The following CDH12 variants were observed in gnomAD, a reference collection of about 807,000 sequenced individuals.
CDH12 encodes cadherin-12.
A neutral mutation model predicts 74.1 loss-of-function variants in CDH12; 41 were observed. That is an observed-to-expected ratio of 0.55 (90% CI 0.43 to 0.72). CDH12 has a LOEUF of 0.72. CDH12 is among the 30% of genes least tolerant of loss of function. The probability of loss-of-function intolerance (pLI) is 0.00; values close to 1 mark genes in which losing one functional copy is unlikely to be tolerated. For missense variants in CDH12, 945 were observed against 977.2 expected, an observed-to-expected ratio of 0.97 and a Z score of 0.44; for synonymous variants, 399 against 355.0, an observed-to-expected ratio of 1.12 and a Z score of -1.39.
intron 3 of CDH12, among the ~76,000 whole-genome samples, chr5:22,237,020 T>G: frequency 6.6e-6 from 1 of 152,138 alleles, no homozygotes; most frequent in Non-Finnish European, 1.5e-5. Context: ...TATAGTATAG[T>G]AAATATATAA....
Position 22,666,413 on chromosome 5 carries a change from C to T in CDH12, c.-522-161049G>A, listed in dbSNP as rs998668190. On this transcript the variant is annotated intron_variant, in intron 1 of 14. Coordinates refer to ENST00000382254, the MANE Select transcript of CDH12 (RefSeq NM_004061.5). ...CACGCCATTCTCCTGCCTCAGCCTC[C>T]CGAGTAGCTGGGACTACAGGCGCCC... Among the ~76,000 whole-genome samples the T allele has an allele frequency of 2.0e-5, 3 of 151,406 alleles. No individual in the cohort carries two copies. In the East Asian group the frequency reaches 5.8e-4, roughly 29 times the overall value.
chr5:22,268,712 T>C (rs1229579156), intron 3 of CDH12, among the ~76,000 whole-genome samples: 1 of 152,112 alleles, frequency 6.6e-6, no homozygotes, highest in Non-Finnish European at 1.5e-5. Context: ...CTGCAGAAAA[T>C]ACAGTGTAGT....
intron 4 of CDH12, among the ~76,000 whole-genome samples, chr5:22,132,007 C>G (rs1189692777): frequency 3.3e-5 from 5 of 152,048 alleles, no homozygotes; most frequent in Non-Finnish European, 5.9e-5. Flanking sequence ...ACGTGTATCT[C>G]CATGGAGGGC....
intron 5 of CDH12, among the ~76,000 whole-genome samples, chr5:21,995,353 A>G (rs1339360072): frequency 6.6e-6 from 1 of 151,892 alleles, no homozygotes; most frequent in Non-Finnish European, 1.5e-5. Context: ...ATGCAAAGCC[A>G]AATGAAACGT....
intron 6 of CDH12, among the ~76,000 whole-genome samples, chr5:21,860,170 T>C (rs770498877): frequency 2.6e-5 from 4 of 152,110 alleles, no homozygotes; most frequent in Non-Finnish European, 4.4e-5. Context: ...CTTTATTTTG[T>C]TAAGAATATG....
At chr5:22,355,586 T>G (rs1740533356) in intron 3 of CDH12, among the ~76,000 whole-genome samples, 1 of 151,628 alleles carries the variant, frequency 6.6e-6, no homozygotes, top group African/African-American at 2.4e-5. Flanking sequence ...TAGCAATATC[T>G]TTTAAAAAGA....
At chr5:22,798,163 G>A (rs1440299069) in intron 1 of CDH12, among the ~76,000 whole-genome samples, 2 of 152,034 alleles carry the variant, frequency 1.3e-5, no homozygotes, top group Admixed American at 1.3e-4. Context: ...ACTTTATAAT[G>A]TACTATCTAG....
Position 21,760,666 on chromosome 5 carries a change from T to C in CDH12, c.1525A>G (p.Ile509Val). ...ENAKPGQIIQ[I>V]VSAADRDLSP... ...AGATCTCGGTCTGCAGCACTGACTA[T>C]CTGAATTATCTGCAACAGAGTTGAG... Residue 509 changes from isoleucine to valine, a missense_variant, in exon 13 of 15, where the codon ATA (isoleucine) becomes GTA (valine). By Grantham distance (29) the Ile-to-Val change is conservative. Coordinates refer to ENST00000382254, the MANE Select transcript of CDH12 (RefSeq NM_004061.5). 6.4e-7 allele frequency: 1 copy of C among 1,573,776 alleles called. No individual in the cohort carries two copies. The highest frequency in any genetic ancestry group is 8.7e-7 in the Non-Finnish European group (1 of 1,144,456).
intron 1 of CDH12, among the ~76,000 whole-genome samples, chr5:22,571,429 T>C (rs1450423652): frequency 6.6e-6 from 1 of 152,098 alleles, no homozygotes; most frequent in Non-Finnish European, 1.5e-5. Context: ...TGAGTTAAAG[T>C]GATTCTCCTG....
intron 4 of CDH12, among the ~76,000 whole-genome samples, chr5:22,194,270 C>T (rs1170769850): frequency 1.3e-5 from 2 of 151,706 alleles, no homozygotes; most frequent in Admixed American, 6.6e-5. Flanking sequence ...ATGTAACCTA[C>T]CTCCCCCACT....
chr5:22,239,825 A>G (rs1157254312), intron 3 of CDH12, among the ~76,000 whole-genome samples: 1 of 152,192 alleles, frequency 6.6e-6, no homozygotes, highest in Admixed American at 6.5e-5. Context: ...AGTAACAGAA[A>G]AGAATAACAC....
chr5:22,685,124 C>A (rs1193748536), intron 1 of CDH12, among the ~76,000 whole-genome samples: 1 of 152,144 alleles, frequency 6.6e-6, no homozygotes, highest in Admixed American at 6.5e-5. Context: ...TATTAAGATA[C>A]AATTCATATA....
At chr5:22,303,561 G>T (rs1406379483) in intron 3 of CDH12, among the ~76,000 whole-genome samples, 1 of 151,938 alleles carries the variant, frequency 6.6e-6, no homozygotes, top group Non-Finnish European at 1.5e-5. Flanking sequence ...TTTAATTATT[G>T]ATATCACAAT....
At chr5:22,039,737 G>A (rs1382839545) in intron 5 of CDH12, among the ~76,000 whole-genome samples, 1 of 152,082 alleles carries the variant, frequency 6.6e-6, no homozygotes, top group Non-Finnish European at 1.5e-5. Context: ...AACTAAAGAA[G>A]CTGCATGGAG....
At chr5:21,762,874 C>CTTTT (rs10561731) in intron 12 of CDH12, among the ~76,000 whole-genome samples, 16 of 128,506 alleles carry the variant, frequency 1.2e-4, no homozygotes, top group African/African-American at 4.2e-4. Flanking sequence ...AAAGAACTGG[C>CTTTT]TTTTTTTTTT....
intron 1 of CDH12, among the ~76,000 whole-genome samples, chr5:22,827,563 A>G (rs897142724): frequency 1.3e-5 from 2 of 152,174 alleles, no homozygotes; most frequent in Admixed American, 1.3e-4. Context: ...ATTTGCTGAT[A>G]GATACAGGAG....
At chr5:22,667,650 T>G (rs1316079748) in intron 1 of CDH12, among the ~76,000 whole-genome samples, 1 of 152,198 alleles carries the variant, frequency 6.6e-6, no homozygotes, top group East Asian at 1.9e-4. Context: ...AATAGTTACC[T>G]TCTTAGCTGG....
intron 1 of CDH12, among the ~76,000 whole-genome samples, chr5:22,701,697 G>C (rs1015198838): frequency 6.6e-6 from 1 of 151,920 alleles, no homozygotes; most frequent in African/African-American, 2.4e-5. Flanking sequence ...TACCTACCAG[G>C]CTTCTTCATA....
intron 11 of CDH12, among the ~76,000 whole-genome samples, chr5:21,772,522 C>T (rs1745375770): frequency 6.6e-6 from 1 of 152,286 alleles, no homozygotes; most frequent in Non-Finnish European, 1.5e-5. Context: ...GATCCACCGA[C>T]CTTGGCCTTC....
Sources: allele counts gnomAD v4.1 joint callset (sites outside exome capture counted in the v4.1 genomes callset), GRCh38; gene constraint gnomAD v4.1.1; transcripts MANE v1.5; gene names NCBI Gene and HGNC (gene_info 2026-07-23, HGNC 2026-07-21).